The following GPC6 variants were observed in gnomAD, a reference collection of about 807,000 sequenced individuals.
The protein encoded by GPC6 is glypican-6.
Under a neutral mutation model 55.2 loss-of-function variants are expected in GPC6, and 14 were observed. The observed-to-expected ratio is 0.25, with a 90% CI of 0.17 to 0.40. The LOEUF is 0.40. Among genes scored for constraint, GPC6 ranks in the 10% least tolerant of loss-of-function variants. The pLI is 1.00. For synonymous variants in GPC6, 278 were observed against 259.6 expected (o/e 1.07, Z -0.68); for missense variants, 641 against 708.5 (o/e 0.90, Z 1.08).
At chr13:93,266,386 G>T (rs545264944) in intron 1 of GPC6, among the ~76,000 whole-genome samples, 3 of 152,204 alleles carry the variant, frequency 2.0e-5, no homozygotes, top group South Asian at 4.1e-4. Flanking sequence ...CAGGACAAAG[G>T]TCATCAAATA....
At chr13:93,820,917 G>C (rs147602666) in intron 2 of GPC6, among the ~76,000 whole-genome samples, 240 of 152,228 alleles carry the variant, frequency 1.6e-3, no homozygotes, top group Middle Eastern at 0.01. Context: ...GGAGTTTTCA[G>C]AGCACATTTT....
intron 4 of GPC6, among the ~76,000 whole-genome samples, chr13:94,033,458 T>C (rs1029786357): frequency 4.6e-5 from 7 of 152,226 alleles, no homozygotes; most frequent in African/African-American, 1.7e-4. Context: ...TGGGAAAATG[T>C]TGCTAGATAA....
At chr13:93,366,734 A>G (rs983563142) in intron 1 of GPC6, among the ~76,000 whole-genome samples, 1 of 152,056 alleles carries the variant, frequency 6.6e-6, no homozygotes, top group Non-Finnish European at 1.5e-5. Flanking sequence ...TACAACAGGG[A>G]CATTCAAAAG....
chr13:93,912,392 G>A (rs1022070186), intron 3 of GPC6, among the ~76,000 whole-genome samples: 2 of 151,938 alleles, frequency 1.3e-5, no homozygotes, highest in African/African-American at 4.8e-5. Flanking sequence ...TTCATGATAG[G>A]GTGTATTAAT....
intron 4 of GPC6, among the ~76,000 whole-genome samples, chr13:94,132,620 T>G (rs1887041065): frequency 6.6e-6 from 1 of 152,166 alleles, no homozygotes; most frequent in Admixed American, 6.5e-5. Context: ...CCTGGGTCTT[T>G]AATAGTTGCC....
intron 3 of GPC6, among the ~76,000 whole-genome samples, chr13:93,928,736 TG>T (rs201261455): frequency 0.14 from 21,589 of 152,026 alleles, 1,785 homozygotes; most frequent in Middle Eastern, 0.26. Flanking sequence ...TGTACTAGTA[TG>T]ACGAGGTAGA....
upstream of GPC6, among the ~76,000 whole-genome samples, chr13:93,222,692 C>G (rs1351207910): frequency 6.6e-6 from 1 of 152,220 alleles, no homozygotes; most frequent in African/African-American, 2.4e-5. Flanking sequence ...CAACTATTCA[C>G]TGTCTCTTGC....
intron 6 of GPC6, among the ~76,000 whole-genome samples, chr13:94,332,421 G>T (rs1211998416): frequency 6.6e-6 from 1 of 152,188 alleles, no homozygotes; most frequent in East Asian, 1.9e-4. Flanking sequence ...GCAGTCTTGG[G>T]TCTGACGGAT....
rs114748248 is a variant in GPC6 at position 94,099,998 on chromosome 13, A to G, written c.877+72104A>G. Among the ~76,000 whole-genome samples the G allele has an allele frequency of 6.4e-3, 980 of 152,272 alleles. 19 individuals carry two copies. Among genetic ancestry groups the G allele is most frequent in the African/African-American group, 0.023 (946 of 41,566 alleles). On this transcript the variant is annotated intron_variant, in intron 4 of 8. Transcript: ENST00000377047. ...GGGAGGAGGGAGAGGAGCAGGAAAG[A>G]TAGCTATTGGCTACTGTGCTTAATA...
chr13:93,493,754 T>C (rs1022748467), intron 1 of GPC6, among the ~76,000 whole-genome samples: 1 of 123,596 alleles, frequency 8.1e-6, no homozygotes, highest in Non-Finnish European at 1.7e-5. Flanking sequence ...AAGAACATCT[T>C]TATTTCTGCC....
At chr13:93,693,461 C>CTGTG (rs35459356) in intron 2 of GPC6, among the ~76,000 whole-genome samples, 23,114 of 139,154 alleles carry the variant, frequency 0.17, 2,052 homozygotes, top group Admixed American at 0.2. Flanking sequence ...GTATGTATAT[C>CTGTG]TGTGTGTGTG....
intron 1 of GPC6, among the ~76,000 whole-genome samples, chr13:93,499,770 CATT>C (rs1472481661): frequency 1.3e-5 from 2 of 152,168 alleles, no homozygotes; most frequent in African/African-American, 4.8e-5. Context: ...ATATATCTCT[CATT>C]ATTTATGATT....
intron 1 of GPC6, among the ~76,000 whole-genome samples, chr13:93,467,670 G>C (rs1326003021): frequency 1.4e-5 from 2 of 142,210 alleles, no homozygotes; most frequent in African/African-American, 5.3e-5. Flanking sequence ...CTGCAGTCTC[G>C]AGCTCCTGGA....
chr13:93,544,249 A>G (rs1874629207), intron 1 of GPC6, among the ~76,000 whole-genome samples: 1 of 152,190 alleles, frequency 6.6e-6, no homozygotes, highest in Admixed American at 6.6e-5. Context: ...TAAGCATTAA[A>G]CTACACGAAG....
chr13:94,241,888 CT>C (rs199693011), intron 4 of GPC6, among the ~76,000 whole-genome samples: 4 of 151,044 alleles, frequency 2.6e-5, no homozygotes, highest in African/African-American at 4.9e-5. Flanking sequence ...TCCTGAATTT[CT>C]TTTTTTTTCT....
At chr13:94,188,712 G>C (rs1889285458) in intron 4 of GPC6, among the ~76,000 whole-genome samples, 1 of 152,004 alleles carries the variant, frequency 6.6e-6, no homozygotes, top group African/African-American at 2.4e-5. Flanking sequence ...GCTCACCTCT[G>C]TCCCCTTCTT....
intron 3 of GPC6, among the ~76,000 whole-genome samples, chr13:93,950,820 T>C (rs1879221466): frequency 6.6e-6 from 1 of 151,818 alleles, no homozygotes; most frequent in Non-Finnish European, 1.5e-5. Context: ...TTGTCAAAGC[T>C]CTTAGGTGCT....
chr13:94,095,506 TG>T (rs1439860921), intron 4 of GPC6, among the ~76,000 whole-genome samples: 3 of 152,216 alleles, frequency 2.0e-5, no homozygotes, highest in Admixed American at 6.5e-5. Flanking sequence ...TAAAAATTGT[TG>T]ATGCAGTAAT....
intron 1 of GPC6, among the ~76,000 whole-genome samples, chr13:93,396,078 C>G (rs528753674): frequency 1.3e-5 from 2 of 152,214 alleles, no homozygotes; most frequent in African/African-American, 2.4e-5. Flanking sequence ...GTGAACTTGA[C>G]CTACTGGTAT....
Sources: allele counts gnomAD v4.1 joint callset (sites outside exome capture counted in the v4.1 genomes callset), GRCh38; gene constraint gnomAD v4.1.1; transcripts MANE v1.5; gene names NCBI Gene and HGNC (gene_info 2026-07-23, HGNC 2026-07-21).